Variants in ACSM1 observed in about 807,000 individuals in gnomAD.
The protein encoded by ACSM1 is acyl-CoA synthetase medium chain family member 1.
A neutral mutation model predicts 75.8 loss-of-function variants in ACSM1; 79 were observed. The observed-to-expected ratio is 1.04, with a 90% confidence interval of 0.87 to 1.26. ACSM1 has a LOEUF of 1.26. Ranked by LOEUF, ACSM1 falls within the 50% of genes most tolerant of loss-of-function variation. The probability of loss-of-function intolerance (pLI) is 0.00; values close to 1 mark genes in which losing one functional copy is unlikely to be tolerated. For missense variants in ACSM1, 676 were observed against 720.1 expected (o/e 0.94, Z 0.70); for synonymous variants, 279 against 265.8 (o/e 1.05, Z -0.48).
intron 4 of ACSM1, among the ~76,000 whole-genome samples, chr16:20,672,810 TAA>T (rs200817681): frequency 0.16 from 19,914 of 124,644 alleles, 2,137 homozygotes; most frequent in African/African-American, 0.31. Context: ...GTATAATATA[TAA>T]TATATATTAT....
chr16:20,663,281 T>C (rs28635930), intron 6 of ACSM1, among the ~76,000 whole-genome samples: 18,860 of 152,182 alleles, frequency 0.12, 1,649 homozygotes, highest in East Asian at 0.48. Context: ...TTATGCTTGA[T>C]GCACTGCTAC....
intron 4 of ACSM1, among the ~76,000 whole-genome samples, chr16:20,675,638 A>C (rs190905928): frequency 1.6e-4 from 24 of 152,358 alleles, no homozygotes; most frequent in Admixed American, 1.2e-3. Context: ...TTCAAAAGTT[A>C]AGGACATACT....
intron 10 of ACSM1, among the ~76,000 whole-genome samples, chr16:20,631,833 G>A (rs916897274): frequency 6.6e-6 from 1 of 152,192 alleles, no homozygotes; most frequent in Non-Finnish European, 1.5e-5. Context: ...CAAAGGCAAA[G>A]AATGATATAA....
chr16:20,645,665 A>G (rs1055867671), intron 7 of ACSM1, among the ~76,000 whole-genome samples: 1 of 152,230 alleles, frequency 6.6e-6, no homozygotes, highest in Non-Finnish European at 1.5e-5. Flanking sequence ...CAGGTCAATG[A>G]TAGGATGACA....
intron 7 of ACSM1, among the ~76,000 whole-genome samples, chr16:20,659,727 C>T (rs1054832953): frequency 1.2e-4 from 18 of 152,104 alleles, no homozygotes; most frequent in African/African-American, 4.3e-4. Context: ...CAACTAAGAA[C>T]CAGGCACCCC....
chr16:20,664,367 A>G (rs1433427319), intron 6 of ACSM1, among the ~76,000 whole-genome samples: 1 of 152,106 alleles, frequency 6.6e-6, no homozygotes, highest in African/African-American at 2.4e-5. Flanking sequence ...CTTATATCAG[A>G]TAAAAACAGA....
intron 8 of ACSM1, among the ~76,000 whole-genome samples, chr16:20,638,304 G>T (rs990187324): frequency 6.6e-6 from 1 of 152,216 alleles, no homozygotes; most frequent in African/African-American, 2.4e-5. Context: ...CGTGTTCAAT[G>T]AATGATGACT....
At chr16:20,690,309 C>G (rs1217270377) in intron 2 of ACSM1, among the ~76,000 whole-genome samples, 3 of 152,148 alleles carry the variant, frequency 2.0e-5, no homozygotes, top group Admixed American at 2.0e-4. Context: ...AAATACCATC[C>G]ATTGTCTACC....
Position 20,644,538 on chromosome 16 carries a change from AACACACACAC to A in ACSM1, c.993-3964_993-3955del, listed in dbSNP as rs56275246. On this transcript the variant is annotated intron_variant, in intron 7 of 13. Transcript: ENST00000520010. ...GATGGCTCCTCCCATGTGATTGAGG[AACACACACAC>A]ACACACACACACACACACACACACA... Among the ~76,000 whole-genome samples, 191 of 145,110 alleles carry A rather than the reference AACACACACAC, an allele frequency of 1.3e-3. 1 individual carries two copies. Among genetic ancestry groups the A allele is most frequent in the Middle Eastern group, 7.0e-3 (2 of 284 alleles).
chr16:20,682,094 C>G (rs987597357), intron 4 of ACSM1, 162 bp downstream of exon 4: 3 of 654,540 alleles, frequency 4.6e-6, no homozygotes, highest in Non-Finnish European at 7.7e-6. Flanking sequence ...AAAAGGTAAC[C>G]TGACTCTTTG....
chr16:20,652,181 A>G (rs2018682742), intron 7 of ACSM1, among the ~76,000 whole-genome samples: 2 of 152,156 alleles, frequency 1.3e-5, no homozygotes, highest in South Asian at 4.1e-4. Context: ...TAACCTAGGT[A>G]AACTACTAAA....
chr16:20,627,408 C>A (rs2017009524), intron 10 of ACSM1, 92 bp from the exon 11 acceptor site: 10 of 1,414,720 alleles, frequency 7.1e-6, no homozygotes, highest in Non-Finnish European at 9.3e-6. Context: ...TGAATTCTGC[C>A]TCTGTTTCTA....
intron 12 of ACSM1, among the ~76,000 whole-genome samples, chr16:20,624,706 T>G (rs2016805466): frequency 6.6e-6 from 1 of 152,186 alleles, no homozygotes; most frequent in Non-Finnish European, 1.5e-5. Flanking sequence ...AAAGACTTTT[T>G]TTTTTCAGAT....
chr16:20,631,570 C>T lies in ACSM1; in HGVS notation c.1300-4254G>A, dbSNP rs555577196. 1.2e-4 allele frequency among the ~76,000 whole-genome samples: 18 copies of T among 152,268 alleles called. No homozygotes were observed. In the South Asian group the frequency reaches 3.3e-3, roughly 28 times the overall value. On this transcript the variant is annotated intron_variant, in intron 10 of 13. Coordinates refer to ENST00000520010, the MANE Select transcript of ACSM1 (RefSeq NM_001318890.3). ...TATATGAAAAAGACATATGCACATG[C>T]GTGTTTATAGCACAATTTGCAATTG...
In ACSM1 at chr16:20,661,841, C is replaced by G; in HGVS notation, c.945G>C (p.Trp315Cys). The stretch of plus-strand genomic sequence containing the variant: ...TCATTCGATATATAGATGATACCCC[C>G]CAAAAGTGGTTAATGGGGTATTTCA... ...TLLKYPINHF[W>C]GVSSIYRMIL... Residue 315 changes from tryptophan (W) to cysteine (C), a missense_variant, in exon 7 of 14, where the codon TGG becomes TGC. Transcript: ENST00000520010. The G allele has an allele frequency of 1.2e-6, 2 of 1,609,150 alleles. No homozygotes were observed. Among genetic ancestry groups the G allele is most frequent in the Non-Finnish European group, 1.7e-6 (2 of 1,176,538 alleles).
chr16:20,661,476 G>A lies in ACSM1; in HGVS notation c.992+318C>T, dbSNP rs184570190. Among the ~76,000 whole-genome samples, 128 of 152,238 alleles carry A rather than the reference G, an allele frequency of 8.4e-4. 1 individual carries two copies. The highest frequency in any genetic ancestry group is 3.1e-3 in the Admixed American group (47 of 15,274). On this transcript the variant is annotated intron_variant, in intron 7 of 13. Transcript: ENST00000520010. ...CAATGTTATGTTTTTTTGACTTGGT[G>A]AGTGGGTTACACAGATATTTTAATT...
chr16:20,683,084 A>G (rs1327277777), intron 3 of ACSM1, among the ~76,000 whole-genome samples: 1 of 151,458 alleles, frequency 6.6e-6, no homozygotes, highest in Non-Finnish European at 1.5e-5. Context: ...ATAAACATTG[A>G]CTTTTTTTTC....
chr16:20,631,389 T>C (rs1179629483), intron 10 of ACSM1, among the ~76,000 whole-genome samples: 1 of 152,218 alleles, frequency 6.6e-6, no homozygotes, highest in Non-Finnish European at 1.5e-5. Flanking sequence ...GATTTTGGCA[T>C]GGTTGTGGGA....
chr16:20,659,749 A>G (rs2019197707), intron 7 of ACSM1, among the ~76,000 whole-genome samples: 1 of 152,122 alleles, frequency 6.6e-6, no homozygotes, highest in Admixed American at 6.6e-5. Flanking sequence ...TTTAAGTCCG[A>G]TAAGACACAT....
Sources: allele counts gnomAD v4.1 joint callset (sites outside exome capture counted in the v4.1 genomes callset), GRCh38; gene constraint gnomAD v4.1.1; transcripts MANE v1.5; gene names NCBI Gene and HGNC (gene_info 2026-07-23, HGNC 2026-07-21).